KCNQ5: variants seen among roughly 807,000 people sequenced by gnomAD.
The protein encoded by KCNQ5 is potassium voltage-gated channel subfamily KQT member 5.
KCNQ5 carries 30 observed loss-of-function variants against 98.2 expected under a neutral mutation model. The observed-to-expected ratio is 0.31, with a 90% CI of 0.23 to 0.41. KCNQ5 has a LOEUF of 0.41. Among genes scored for constraint, KCNQ5 ranks in the 10% least tolerant of loss-of-function variants. The probability of loss-of-function intolerance (pLI) is 1.00; values close to 1 mark genes in which losing one functional copy is unlikely to be tolerated. For synonymous variants in KCNQ5, 458 were observed against 449.4 expected (o/e 1.02, Z -0.24); for missense variants, 835 against 1,182.5 (o/e 0.71, Z 4.31).
intron 1 of KCNQ5, among the ~76,000 whole-genome samples, chr6:72,879,531 C>T (rs1014811750): frequency 7.2e-5 from 11 of 152,036 alleles, no homozygotes; most frequent in Non-Finnish European, 4.4e-5. Flanking sequence ...TAATATACAT[C>T]TTCTCTTAGA....
chr6:72,909,785 T>TACC (rs1355486239), intron 1 of KCNQ5, among the ~76,000 whole-genome samples: 115 of 152,338 alleles, frequency 7.5e-4, no homozygotes, highest in African/African-American at 2.7e-3. Flanking sequence ...GATTTCTAAA[T>TACC]TAATAGACTG....
chr6:72,957,359 C>T (rs531129947), intron 1 of KCNQ5, among the ~76,000 whole-genome samples: 20 of 151,546 alleles, frequency 1.3e-4, no homozygotes, highest in South Asian at 1.3e-3. Flanking sequence ...TTAGTAGAGA[C>T]GGGGTTTCAC....
Position 72,687,498 on chromosome 6 carries a change from G to A in KCNQ5, c.398+64911G>A, listed in dbSNP as rs145546549. Among the ~76,000 whole-genome samples the A allele has an allele frequency of 1.1e-3, 173 of 152,266 alleles. 1 individual carries two copies. The highest frequency in any genetic ancestry group is 3.9e-3 in the African/African-American group (161 of 41,548). On this transcript the variant is annotated intron_variant, in intron 1 of 13. Transcript: ENST00000370398. ...GGCTAGTGGAAACAGACAGTAAGTC[G>A]ACAATGACAATACATGTGACCATAT... is the stretch of plus-strand genomic sequence containing the variant.
At chr6:72,691,557 T>G (rs1384508397) in intron 1 of KCNQ5, among the ~76,000 whole-genome samples, 1 of 152,160 alleles carries the variant, frequency 6.6e-6, no homozygotes, top group African/African-American at 2.4e-5. Context: ...GTGAGCTAAA[T>G]AAAGAGCTAA....
At chr6:72,928,728 C>T (rs1311539480) in intron 1 of KCNQ5, among the ~76,000 whole-genome samples, 1 of 151,986 alleles carries the variant, frequency 6.6e-6, no homozygotes, top group Non-Finnish European at 1.5e-5. Flanking sequence ...TAATATGTCT[C>T]TATGTATATC....
intron 8 of KCNQ5, among the ~76,000 whole-genome samples, chr6:73,124,264 C>G (rs576063591): frequency 6.6e-6 from 1 of 152,200 alleles, no homozygotes; most frequent in African/African-American, 2.4e-5. Flanking sequence ...GCAGTCTTGG[C>G]TTTGCCAAGT....
chr6:73,083,936 A>T (rs1431486864), intron 5 of KCNQ5, among the ~76,000 whole-genome samples: 3 of 152,242 alleles, frequency 2.0e-5, no homozygotes, highest in Non-Finnish European at 4.4e-5. Flanking sequence ...TTAGAAGAGA[A>T]TTAAATGCTT....
chr6:73,036,360 T>C (rs1357031758), intron 2 of KCNQ5, among the ~76,000 whole-genome samples: 1 of 133,308 alleles, frequency 7.5e-6, no homozygotes, highest in African/African-American at 3.0e-5. Context: ...CACTCCATTC[T>C]GGGCAACAGC....
At chr6:72,720,138 G>A (rs2207264) in intron 1 of KCNQ5, among the ~76,000 whole-genome samples, 151,482 of 152,298 alleles carry the variant, frequency 0.99, 75,342 homozygotes, top group Middle Eastern at 1. Flanking sequence ...GGAACTGCAG[G>A]CACTGTGCTT....
chr6:72,820,464 T>TTTTC (rs556031971), intron 1 of KCNQ5, among the ~76,000 whole-genome samples: 9 of 152,082 alleles, frequency 5.9e-5, no homozygotes, highest in Non-Finnish European at 8.8e-5. Flanking sequence ...GGGTCCTTCT[T>TTTTC]TTTCTTTCTT....
intron 1 of KCNQ5, among the ~76,000 whole-genome samples, chr6:72,765,181 T>C (rs573468469): frequency 6.6e-6 from 1 of 152,146 alleles, no homozygotes; most frequent in Non-Finnish European, 1.5e-5. Context: ...TTTTTAGTTT[T>C]TTGAGAATCC....
chr6:73,001,165 C>T (rs1321289621), intron 1 of KCNQ5, among the ~76,000 whole-genome samples: 1 of 152,108 alleles, frequency 6.6e-6, no homozygotes, highest in Non-Finnish European at 1.5e-5. Flanking sequence ...TCTTGATGTG[C>T]TCCCACCTTT....
At chr6:72,661,136 G>T (rs1235809472) in intron 1 of KCNQ5, among the ~76,000 whole-genome samples, 4 of 151,560 alleles carry the variant, frequency 2.6e-5, no homozygotes, top group African/African-American at 9.7e-5. Flanking sequence ...TATATATATA[G>T]ATATTTAACC....
rs139411782 is a variant in KCNQ5, at chr6:73,142,864, T to C, written c.1468+9223T>C. On this transcript the variant is annotated intron_variant, in intron 10 of 13. Transcript: ENST00000370398. ...CCAGGAAGAGGAGGTTGCAGTGAGCTGAGATTGCACCCTTGCACTCCAGCC... is the reference window on the plus strand; with the variant it reads ...CCAGGAAGAGGAGGTTGCAGTGAGCCGAGATTGCACCCTTGCACTCCAGCC... Among the ~76,000 whole-genome samples, 1,086 of 152,208 alleles carry C rather than the reference T, an allele frequency of 7.1e-3. 11 individuals are homozygous for C. Among genetic ancestry groups the C allele is most frequent in the African/African-American group, 0.024 (1,015 of 41,520 alleles).
chr6:72,972,754 C>A (rs573698831), intron 1 of KCNQ5, among the ~76,000 whole-genome samples: 1 of 152,244 alleles, frequency 6.6e-6, no homozygotes, highest in East Asian at 1.9e-4. Context: ...ATAAATTGTT[C>A]TTCCACTAAA....
intron 1 of KCNQ5, among the ~76,000 whole-genome samples, chr6:72,709,750 T>C (rs1002019650): frequency 8.5e-5 from 13 of 152,176 alleles, no homozygotes; most frequent in Admixed American, 6.5e-5. Context: ...CTACAGAGAT[T>C]ACCCTCTGGT....
intron 2 of KCNQ5, among the ~76,000 whole-genome samples, chr6:73,027,497 T>C (rs1447639448): frequency 6.6e-6 from 1 of 152,240 alleles, no homozygotes; most frequent in Non-Finnish European, 1.5e-5. Context: ...TCCTATCAAT[T>C]TTCCTTTGAG....
intron 5 of KCNQ5, among the ~76,000 whole-genome samples, chr6:73,103,898 G>C (rs1774897851): frequency 2.0e-5 from 3 of 152,050 alleles, no homozygotes; most frequent in South Asian, 2.1e-4. Context: ...AAATGCTTGA[G>C]GTGATGGATA....
chr6:73,082,668 T>C (rs905502098), intron 5 of KCNQ5, among the ~76,000 whole-genome samples: 3 of 152,208 alleles, frequency 2.0e-5, no homozygotes, highest in African/African-American at 7.2e-5. Context: ...CTATTTAGTT[T>C]ACTTGCCCAC....
Sources: allele counts gnomAD v4.1 joint callset (sites outside exome capture counted in the v4.1 genomes callset), GRCh38; gene constraint gnomAD v4.1.1; transcripts MANE v1.5; gene names NCBI Gene and HGNC (gene_info 2026-07-23, HGNC 2026-07-21).